The following EDIL3 variants were observed in gnomAD, a reference collection of about 807,000 sequenced individuals.
The protein encoded by EDIL3 is EGF-like repeat and discoidin I-like domain-containing protein 3.
EDIL3 carries 37 observed loss-of-function variants against 67.4 expected under a neutral mutation model. The observed-to-expected ratio is 0.55, with a 90% CI of 0.42 to 0.72. The LOEUF is 0.72. EDIL3 is among the 30% of genes least tolerant of loss of function. The probability of loss-of-function intolerance (pLI) is 0.00; values close to 1 mark genes in which losing one functional copy is unlikely to be tolerated. For missense variants in EDIL3, 527 were observed against 586.3 expected (o/e 0.90, Z 1.04); for synonymous variants, 195 against 196.3 (o/e 0.99, Z 0.05).
At position 84,182,478 on chromosome 5, in the gene EDIL3, AC is replaced by A. The variant is rs775472124; in HGVS notation, c.227-1958del. Among the ~76,000 whole-genome samples, 11 of 151,434 alleles carry A rather than the reference AC, an allele frequency of 7.3e-5. No individual in the cohort carries two copies. In the East Asian group the frequency reaches 7.8e-4, roughly 11 times the overall value. On this transcript the variant is annotated intron_variant, in intron 3 of 10. Transcript: ENST00000296591. ...CTCAAAAAACTAAACTTTAAAAAAA[AC>A]AAACAAACAAACTTGTGAATAGGAA...
intron 9 of EDIL3, among the ~76,000 whole-genome samples, chr5:84,041,454 C>A (rs1746120484): frequency 6.6e-6 from 1 of 151,328 alleles, no homozygotes; most frequent in African/African-American, 2.4e-5. Flanking sequence ...GTGCTTTTTC[C>A]CACTGAGATC....
At chr5:84,202,604 T>G (rs537834900) in intron 3 of EDIL3, among the ~76,000 whole-genome samples, 1 of 152,292 alleles carries the variant, frequency 6.6e-6, no homozygotes, top group South Asian at 2.1e-4. Context: ...CTTGGATGTT[T>G]TATACCTGGC....
At chr5:84,058,282 T>C (rs1746483269) in intron 9 of EDIL3, among the ~76,000 whole-genome samples, 1 of 152,044 alleles carries the variant, frequency 6.6e-6, no homozygotes, top group Non-Finnish European at 1.5e-5. Context: ...CACATTATTC[T>C]GAAACAGAGG....
intron 1 of EDIL3, among the ~76,000 whole-genome samples, chr5:84,322,201 C>A (rs7711252): frequency 0.016 from 2,380 of 151,062 alleles, 68 homozygotes; most frequent in African/African-American, 0.055. Context: ...AAAAGTATGA[C>A]CCACTCAAAA....
intron 9 of EDIL3, among the ~76,000 whole-genome samples, chr5:84,024,982 C>CT (rs943591845): frequency 3.9e-5 from 6 of 152,118 alleles, no homozygotes; most frequent in Non-Finnish European, 7.4e-5. Flanking sequence ...CTCTCTCTCC[C>CT]TTTTTTTCCT....
chr5:83,975,020 G>T (rs950242940), intron 9 of EDIL3, among the ~76,000 whole-genome samples: 9 of 151,916 alleles, frequency 5.9e-5, no homozygotes, highest in African/African-American at 2.2e-4. Flanking sequence ...GATTTAATGA[G>T]TATATTTTAA....
At chr5:84,043,923 GA>G (rs1746175824) in intron 9 of EDIL3, among the ~76,000 whole-genome samples, 1 of 152,018 alleles carries the variant, frequency 6.6e-6, no homozygotes, top group African/African-American at 2.4e-5. Flanking sequence ...TAAGTTCTGG[GA>G]TACATGTGCA....
intron 3 of EDIL3, among the ~76,000 whole-genome samples, chr5:84,219,377 A>G (rs546560324): frequency 7.5e-4 from 114 of 152,376 alleles, no homozygotes; most frequent in African/African-American, 2.5e-3. Context: ...AATGGCAAGT[A>G]GGTCTATGAA....
intron 6 of EDIL3, among the ~76,000 whole-genome samples, chr5:84,075,361 TA>T (rs1018052176): frequency 2.0e-5 from 3 of 152,066 alleles, no homozygotes; most frequent in African/African-American, 7.2e-5. Flanking sequence ...AAAATAAAAA[TA>T]AAAAAGTAAA....
rs551013205 is a variant in EDIL3, at chr5:83,963,056, C to T, written c.1293+149G>A. On this transcript the variant is annotated intron_variant, in intron 10 of 10. Coordinates refer to ENST00000296591, the MANE Select transcript of EDIL3 (RefSeq NM_005711.5). The stretch of plus-strand genomic sequence containing the variant: ...ACCAGACTGCAACCCCTTTACAGTA[C>T]TATTCTTTAAAGCTTTTTATTTAAC... 594 of 1,089,694 alleles carry T rather than the reference C, an allele frequency of 5.5e-4. 1 individual carries two copies. The highest frequency in any genetic ancestry group is 7.1e-4 in the Non-Finnish European group (582 of 814,556). 67.5% of individuals were successfully genotyped at this position (1,089,694 alleles called of 1,614,324 possible).
At chr5:84,102,235 C>T (rs1437047257) in intron 6 of EDIL3, among the ~76,000 whole-genome samples, 1 of 152,056 alleles carries the variant, frequency 6.6e-6, no homozygotes, top group Admixed American at 6.6e-5. Flanking sequence ...AAGATGGAAG[C>T]ATTCCTCTTG....
At position 84,121,192 on chromosome 5, in the gene EDIL3, C is replaced by A. The variant is rs148651437; in HGVS notation, c.470-14362G>T. On this transcript the variant is annotated intron_variant, in intron 5 of 10. Transcript: ENST00000296591. Reference sequence around the variant, plus strand: ...GGGTCTAACCCCTCCAACTTAGTTTCATTGCTATCTGCTTAGTTGCTGAAA... The same window carrying A: ...GGGTCTAACCCCTCCAACTTAGTTTAATTGCTATCTGCTTAGTTGCTGAAA... 6.6e-5 allele frequency among the ~76,000 whole-genome samples: 10 copies of A among 152,086 alleles called. No homozygotes were observed. The East Asian group carries it at 1.9e-3, about 29-fold the overall frequency.
At chr5:84,124,720 A>C (rs1311349546) in intron 5 of EDIL3, among the ~76,000 whole-genome samples, 1 of 151,982 alleles carries the variant, frequency 6.6e-6, no homozygotes, top group Non-Finnish European at 1.5e-5. Context: ...TTATGATTAG[A>C]CCAAATACCA....
At chr5:84,135,362 T>G (rs575816195) in intron 5 of EDIL3, among the ~76,000 whole-genome samples, 1 of 152,338 alleles carries the variant, frequency 6.6e-6, no homozygotes, top group African/African-American at 2.4e-5. Flanking sequence ...CCAGGTATTG[T>G]TTTAATCTAT....
At chr5:84,207,621 G>T (rs1479261789) in intron 3 of EDIL3, among the ~76,000 whole-genome samples, 1 of 150,940 alleles carries the variant, frequency 6.6e-6, no homozygotes, top group Non-Finnish European at 1.5e-5. Context: ...AAAGCTGGAG[G>T]CATCACACTA....
chr5:84,170,358 C>T (rs1484049896), intron 4 of EDIL3, among the ~76,000 whole-genome samples: 1 of 152,134 alleles, frequency 6.6e-6, no homozygotes, highest in African/African-American at 2.4e-5. Context: ...ATAGTAAGAC[C>T]CAATGCCATT....
intron 5 of EDIL3, among the ~76,000 whole-genome samples, chr5:84,136,477 T>C (rs1477113296): frequency 6.6e-6 from 1 of 152,132 alleles, no homozygotes; most frequent in Non-Finnish European, 1.5e-5. Context: ...CCCAGCTTTT[T>C]TTTTCTTTTT....
At chr5:84,039,516 T>C (rs895837954) in intron 9 of EDIL3, among the ~76,000 whole-genome samples, 5 of 152,168 alleles carry the variant, frequency 3.3e-5, no homozygotes, top group African/African-American at 1.2e-4. Context: ...TCACCAGGAA[T>C]AGAGGCACAA....
chr5:84,194,245 T>A (rs1470993102), intron 3 of EDIL3, among the ~76,000 whole-genome samples: 9 of 152,078 alleles, frequency 5.9e-5, no homozygotes, highest in African/African-American at 2.2e-4. Flanking sequence ...TTTTTCATGA[T>A]CTGTCTTGCT....
Sources: allele counts gnomAD v4.1 joint callset (sites outside exome capture counted in the v4.1 genomes callset), GRCh38; gene constraint gnomAD v4.1.1; transcripts MANE v1.5; gene names NCBI Gene and HGNC (gene_info 2026-07-23, HGNC 2026-07-21).